Variants in SETD1B observed in about 807,000 individuals in gnomAD.
SETD1B encodes SET domain containing 1B, histone lysine methyltransferase, also known as histone-lysine N-methyltransferase SETD1B.
SETD1B carries 7 observed loss-of-function variants against 148.0 expected under a neutral mutation model. The observed-to-expected ratio is 0.05, with a 90% CI of 0.03 to 0.09. The LOEUF (loss-of-function observed/expected upper bound fraction) is 0.09. Ranked by LOEUF, SETD1B falls within the 10% of genes least tolerant of loss-of-function variation. SETD1B has a pLI of 1.00. For synonymous variants in SETD1B, 1,361 were observed against 1,186.5 expected (o/e 1.15, Z -3.02); for missense variants, 2,155 against 2,729.9 (o/e 0.79, Z 4.69).
At chr12:121,828,091 GGCCCCT>G (rs1566561475) in intron 16 of SETD1B, 21 bp downstream of exon 16, 4 of 1,550,814 alleles carry the variant, frequency 2.6e-6, no homozygotes, top group Admixed American at 2.0e-5. Context: ...AGCGGGGGGT[GGCCCCT>G]GCCCCTGCTC....
the SETD1B span, among the ~76,000 whole-genome samples, chr12:121,796,642 C>T: frequency 1.8e-4 from 28 of 152,380 alleles, no homozygotes; most frequent in South Asian, 1.9e-3. Context: ...TGAGCAGTCC[C>T]CAGGCCTTGG....
In SETD1B at chr12:121,805,715, T is replaced by G. The variant is rs920170402; in HGVS notation, c.274-120T>G. On this transcript the variant is annotated intron_variant, in intron 3 of 16. Coordinates refer to ENST00000604567, the MANE Select transcript of SETD1B (RefSeq NM_001353345.2). The surrounding 1 kb of genome is among the most constrained non-coding windows in gnomAD (Gnocchi z 4.2). ...TTTTTTTTTTTTTTTTAATTTTTAGTTTTTTTACCCTTTATTGTTTTCAAC... is the reference window on the plus strand; with the variant it reads ...TTTTTTTTTTTTTTTTAATTTTTAGGTTTTTTACCCTTTATTGTTTTCAAC... 5.2e-6 allele frequency: 5 copies of G among 967,426 alleles called. No homozygotes were observed. Among genetic ancestry groups the G allele is most frequent in the African/African-American group, 5.1e-5 (3 of 58,766 alleles). The allele number at this position is 967,426 out of a possible 1,614,324, so 59.9% of individuals were successfully genotyped here.
intron 7 of SETD1B, among the ~76,000 whole-genome samples, chr12:121,815,571 G>A (rs1282134848): frequency 1.3e-5 from 2 of 152,014 alleles, no homozygotes; most frequent in Non-Finnish European, 2.9e-5. Flanking sequence ...GTGTAGTGGC[G>A]CAATCATAGC....
chr12:121,804,829 G>A lies in SETD1B; in HGVS notation c.92G>A (p.Ser31Asn). The change falls in exon 2 of 17, where the codon AGT becomes AAT. Residue 31 changes from serine (S) to asparagine (N), a missense_variant. Coordinates refer to ENST00000604567, the MANE Select transcript of SETD1B (RefSeq NM_001353345.2). This position sits in a 1 kb window ranked among gnomAD's most constrained non-coding sequence, Gnocchi z 4.6. ...SGERRNHHWR[S>N]YKLMIDPALK... is the part of the protein sequence containing the mutation. ...GAGAGGAGGAACCACCATTGGAGAAGTTACAAGTTGATGATTGACCCGGCT... is the reference window on the plus strand; with the variant it reads ...GAGAGGAGGAACCACCATTGGAGAAATTACAAGTTGATGATTGACCCGGCT... 1 of 1,551,002 alleles carries A rather than the reference G, an allele frequency of 6.4e-7. No homozygotes were observed. Among genetic ancestry groups the A allele is most frequent in the Non-Finnish European group, 8.7e-7 (1 of 1,146,816 alleles).
chr12:121,814,922 A>G lies in SETD1B; in HGVS notation c.2707A>G (p.Met903Val). The G allele has an allele frequency of 1.8e-6, 2 of 1,097,476 alleles. No homozygotes were observed. The highest frequency in any genetic ancestry group is 1.3e-5 in the South Asian group (1 of 76,294). The allele number at this position is 1,097,476 out of a possible 1,614,324, so 68.0% of individuals were successfully genotyped here. A position where few individuals can be genotyped will look rare whatever the true frequency, so the allele number is the denominator to read the frequency against. The change falls in exon 7 of 17, where the codon ATG becomes GTG. Residue 903 changes from methionine to valine, a missense_variant. By Grantham distance (21) the Met-to-Val change is conservative (BLOSUM62 1). Around this residue, in one of 11 missense-constraint regions of SETD1B, gnomAD observed 289 missense variants for 423.7 expected, o/e 0.68. Coordinates refer to ENST00000604567, the MANE Select transcript of SETD1B (RefSeq NM_001353345.2). ...CGAGTGGTGGGACAAGAAGGAGCGGATGGCCAAGGTGGGTGGGTGGGTGCA... is the reference window on the plus strand; with the variant it reads ...CGAGTGGTGGGACAAGAAGGAGCGGGTGGCCAAGGTGGGTGGGTGGGTGCA... ...FDEWWDKKER[M>V]AKASLTPVKS...
rs1212742378 is a variant in SETD1B, at chr12:121,808,266, C to T, written c.603C>T (p.Thr201=). 9.7e-6 allele frequency: 15 copies of T among 1,551,120 alleles called. No individual in the cohort carries two copies. The highest frequency in any genetic ancestry group is 1.7e-4 in the Middle Eastern group (1 of 5,988). The part of the protein sequence containing the change: ...LLVTGRYTPQ[T]LPVGELDAVS... ...TCACTGGCCGATACACCCCCCAGAC[C>T]CTCCCAGTGGGCGAGCTGGACGCTG... The change falls in exon 5 of 17, where the codon ACC becomes ACT. Residue 201 remains threonine, a synonymous_variant. Transcript: ENST00000604567. The surrounding 1 kb of genome is among the most constrained non-coding windows in gnomAD (Gnocchi z 5.3).
Position 121,804,598 on chromosome 12 carries a change from T to C in SETD1B, c.-14-126T>C, listed in dbSNP as rs1875619004. On this transcript the variant is annotated intron_variant, in intron 1 of 16. Coordinates refer to ENST00000604567, the MANE Select transcript of SETD1B (RefSeq NM_001353345.2). This position sits in a 1 kb window ranked among gnomAD's most constrained non-coding sequence, Gnocchi z 4.6. ...TTTTGGGGGGAGCCAGCGAGACAGC[T>C]CCTTTCGGGGCGCGCTGGCAAGGTG... 6 of 746,558 alleles carry C rather than the reference T, an allele frequency of 8.0e-6. No individual in the cohort carries two copies. The highest frequency in any genetic ancestry group is 6.4e-6 in the Non-Finnish European group (3 of 467,604). 46.2% of individuals were successfully genotyped at this position (746,558 alleles called of 1,614,324 possible).
rs1875623006 is a variant in SETD1B, at chr12:121,804,641, G to C, written c.-14-83G>C. On this transcript the variant is annotated intron_variant, in intron 1 of 16. Coordinates refer to ENST00000604567, the MANE Select transcript of SETD1B (RefSeq NM_001353345.2). This position sits in a 1 kb window ranked among gnomAD's most constrained non-coding sequence, Gnocchi z 4.6. ...GCAAGGTGGGAGGGGGTGGGGGCCT[G>C]CCGATTGGATTCTTTCGCGTGTGTG... 1 of 1,252,564 alleles carries C rather than the reference G, an allele frequency of 8.0e-7. No homozygotes were observed. The highest frequency in any genetic ancestry group is 1.1e-6 in the Non-Finnish European group (1 of 905,368). 77.6% of individuals were successfully genotyped at this position (1,252,564 alleles called of 1,614,324 possible). A position where few individuals can be genotyped will look rare whatever the true frequency, so the allele number is the denominator to read the frequency against.
Position 121,805,462 on chromosome 12 carries a change from G to A in SETD1B, c.273+246G>A, listed in dbSNP as rs1490921470. On this transcript the variant is annotated intron_variant, in intron 3 of 16. Transcript: ENST00000604567. This position sits in a 1 kb window ranked among gnomAD's most constrained non-coding sequence, Gnocchi z 4.2. ...GTCCTGCACGCCCCGCGGGGGGCTC[G>A]GCTCCGAGACTCTCCCCTCTCGCTA... 2.0e-5 allele frequency among the ~76,000 whole-genome samples: 3 copies of A among 152,128 alleles called. No homozygotes were observed. The highest frequency in any genetic ancestry group is 7.2e-5 in the African/African-American group (3 of 41,406).
Position 121,817,536 on chromosome 12 carries a change from C to T in SETD1B, c.3144C>T (p.Ser1048=), listed in dbSNP as rs745610859. Residue 1048 remains serine, a synonymous_variant, in exon 9 of 17, where the codon TCC becomes TCT. Transcript: ENST00000604567. This position sits in a 1 kb window ranked among gnomAD's most constrained non-coding sequence, Gnocchi z 8.1. ...KESLSASSSS[S]ASSSSGSSTT... ...CATTGTCGGCGTCCTCGTCCTCATCCGCGTCATCATCCTCGGGGTCCTCAA... is the reference window on the plus strand; with the variant it reads ...CATTGTCGGCGTCCTCGTCCTCATCTGCGTCATCATCCTCGGGGTCCTCAA... 90 of 1,551,418 alleles carry T rather than the reference C, an allele frequency of 5.8e-5. No individual in the cohort carries two copies. The highest frequency in any genetic ancestry group is 9.6e-5 in the African/African-American group (7 of 73,064).
the SETD1B span, chr12:121,797,384 C>CT: frequency 2.2e-6 from 1 of 446,820 alleles, no homozygotes; most frequent in East Asian, 7.0e-5. Context: ...CGCTGGGTGA[C>CT]CGGTGGGCGG....
intron 13 of SETD1B, 88 bp downstream of exon 13, chr12:121,825,454 G>C (rs1876795455): frequency 1.7e-6 from 2 of 1,176,364 alleles, no homozygotes; most frequent in African/African-American, 1.6e-5. Context: ...CAGGCAGAGG[G>C]AGGAGTTGTG....
chr12:121,803,890 G>A, upstream of SETD1B: 1 of 153,950 alleles, frequency 6.5e-6, no homozygotes. This position sits in a 1 kb window ranked among gnomAD's most constrained non-coding sequence, Gnocchi z 4.7. Context: ...CTTTGGCGGC[G>A]CAGCTGCCGC....
chr12:121,797,464 GTGA>G, the SETD1B span: 1 of 456,512 alleles, frequency 2.2e-6, no homozygotes. Flanking sequence ...GCCCCAAGAG[GTGA>G]TGGTGGGGGG....
chr12:121,809,457 C>G (rs911763706), intron 5 of SETD1B, 146 bp from the exon 6 acceptor site: 14 of 904,352 alleles, frequency 1.5e-5, no homozygotes, highest in Middle Eastern at 2.3e-4. Flanking sequence ...GACACTCCTC[C>G]TCAATCTCCC....
chr12:121,797,263 C>T, the SETD1B span: 7 of 362,456 alleles, frequency 1.9e-5, no homozygotes, highest in East Asian at 2.9e-4. Context: ...GGGATGCCGG[C>T]GACTCAGTAG....
chr12:121,816,938 T>C (rs1007201854), intron 7 of SETD1B, 95 bp from the exon 8 acceptor site: 2 of 1,143,998 alleles, frequency 1.7e-6, no homozygotes, highest in African/African-American at 3.1e-5. Context: ...TGGTGGCTGT[T>C]ACTGCCGAGT....
rs138440434 is a variant in SETD1B, at chr12:121,819,621, C to G, written c.3636C>G (p.Asp1212Glu). The change falls in exon 11 of 17, where the codon GAC becomes GAG. Residue 1212 changes from aspartate to glutamate, a missense_variant. Coordinates refer to ENST00000604567, the MANE Select transcript of SETD1B (RefSeq NM_001353345.2). ...CAGGCCCTGAGGACTTTGAGCAGGA[C>G]GGGGAGGAAGCGGCTCTGGCCCCGG... ...ASAGPEDFEQDGEEAALAPGA... is the reference protein window; with the variant it reads ...ASAGPEDFEQEGEEAALAPGA... 6.4e-7 allele frequency: 1 copy of G among 1,551,754 alleles called. No individual in the cohort carries two copies. Among genetic ancestry groups the G allele is most frequent in the Non-Finnish European group, 8.7e-7 (1 of 1,147,026 alleles).
the SETD1B span, chr12:121,795,888 A>C: frequency 6.6e-6 from 1 of 152,590 alleles, no homozygotes; most frequent in Non-Finnish European, 1.5e-5. Context: ...CTTGCACAGA[A>C]GTGGAGGCGG....
Sources: allele counts gnomAD v4.1 joint callset (sites outside exome capture counted in the v4.1 genomes callset), GRCh38; gene constraint gnomAD v4.1.1; regional missense constraint gnomAD v4.1.1; non-coding constraint Gnocchi (gnomAD v3.1); transcripts MANE v1.5; gene names NCBI Gene and HGNC (gene_info 2026-07-23, HGNC 2026-07-21).